The following PCDHA8 variants were observed in gnomAD, a reference collection of about 807,000 sequenced individuals.
The protein encoded by PCDHA8 is protocadherin alpha 8, also known as protocadherin alpha-8.
A neutral mutation model predicts 61.8 loss-of-function variants in PCDHA8; 53 were observed. The observed-to-expected ratio is 0.86, with a 90% confidence interval of 0.69 to 1.08. The LOEUF (loss-of-function observed/expected upper bound fraction) is 1.08, where lower values mean the gene tolerates loss of function less well. Among genes scored for constraint, PCDHA8 ranks in the 50% least tolerant of loss-of-function variants. PCDHA8 has a pLI of 0.00. For missense variants in PCDHA8, 1,293 were observed against 1,245.0 expected, an observed-to-expected ratio of 1.04 and a Z score of -0.58; for synonymous variants, 618 against 556.6, an observed-to-expected ratio of 1.11 and a Z score of -1.55.
intron 1 of PCDHA8, among the ~76,000 whole-genome samples, chr5:140,958,710 A>G (rs1446140877): frequency 1.3e-5 from 2 of 152,210 alleles, no homozygotes; most frequent in Non-Finnish European, 2.9e-5. Flanking sequence ...CAACTCTGTT[A>G]TAATAAATGT....
chr5:140,856,901 C>A, intron 1 of PCDHA8: 1 of 1,595,974 alleles, frequency 6.3e-7, no homozygotes, highest in Non-Finnish European at 8.6e-7. Flanking sequence ...CTCTTTGGTC[C>A]CACCCACGAT....
chr5:140,968,317 A>G (rs144335538), intron 1 of PCDHA8: 1 of 1,613,890 alleles, frequency 6.2e-7, no homozygotes, highest in African/African-American at 1.3e-5. Context: ...AAGGGCTGCC[A>G]GTCACCTCCT....
At chr5:140,849,996 G>A (rs2150462323) in intron 1 of PCDHA8, 4 of 1,597,014 alleles carry the variant, frequency 2.5e-6, no homozygotes, top group African/African-American at 2.7e-5. Flanking sequence ...GCGGTTGGGC[G>A]AGCGCTCGCT....
chr5:140,925,337 AT>A (rs1197479455), intron 1 of PCDHA8, among the ~76,000 whole-genome samples: 1 of 152,072 alleles, frequency 6.6e-6, no homozygotes, highest in Non-Finnish European at 1.5e-5. Flanking sequence ...TAAAAGAAGG[AT>A]TTGAGTGAGG....
chr5:140,858,334 GC>G, intron 1 of PCDHA8: 1 of 1,595,814 alleles, frequency 6.3e-7, no homozygotes, highest in Admixed American at 1.7e-5. Flanking sequence ...GGGAGGGCCT[GC>G]CCAAGGCGGA....
At chr5:140,972,316 G>T (rs2096531069) in intron 1 of PCDHA8, among the ~76,000 whole-genome samples, 2 of 139,864 alleles carry the variant, frequency 1.4e-5, no homozygotes, top group South Asian at 2.3e-4. Flanking sequence ...GTTTTTAGGT[G>T]TTTTTTTTTT....
chr5:140,978,653 G>A (rs527551897), intron 1 of PCDHA8, among the ~76,000 whole-genome samples: 25 of 152,314 alleles, frequency 1.6e-4, no homozygotes, highest in African/African-American at 5.5e-4. Flanking sequence ...TGTTCTTCCC[G>A]TAGTGTTTTA....
At chr5:140,909,966 G>C (rs1583724116) in intron 1 of PCDHA8, among the ~76,000 whole-genome samples, 1 of 152,202 alleles carries the variant, frequency 6.6e-6, no homozygotes, top group African/African-American at 2.4e-5. Flanking sequence ...TCTCCATGGG[G>C]AAGGATGGGA....
intron 1 of PCDHA8, chr5:140,866,875 A>C (rs2049624381): frequency 6.6e-6 from 1 of 152,142 alleles, no homozygotes; most frequent in Admixed American, 6.5e-5. Flanking sequence ...ACTTCTTGGT[A>C]TTAGCCTATA....
chr5:140,965,275 C>T (rs1280046381), intron 1 of PCDHA8, among the ~76,000 whole-genome samples: 7 of 152,158 alleles, frequency 4.6e-5, no homozygotes, highest in Non-Finnish European at 1.0e-4. Context: ...GGCAATGACA[C>T]AGCATGGAAA....
chr5:140,996,701 A>G (rs782320896), intron 3 of PCDHA8, among the ~76,000 whole-genome samples: 2 of 152,130 alleles, frequency 1.3e-5, no homozygotes, highest in Non-Finnish European at 2.9e-5. Flanking sequence ...CTGAACCTCT[A>G]TCTCTTTGAT....
At chr5:141,000,513 C>G (rs1258002727) in intron 3 of PCDHA8, among the ~76,000 whole-genome samples, 2 of 143,802 alleles carry the variant, frequency 1.4e-5, no homozygotes, top group African/African-American at 5.2e-5. Context: ...CTGCAACCTC[C>G]TTCTCCAGGG....
At chr5:140,948,903 CTTAGGTAACTGA>C (rs1213410342) in intron 1 of PCDHA8, among the ~76,000 whole-genome samples, 1 of 151,196 alleles carries the variant, frequency 6.6e-6, no homozygotes, top group Non-Finnish European at 1.5e-5. Context: ...TAAGTGGATT[CTTAGGTAACTGA>C]TTAGGTAACT....
At chr5:140,885,270 A>G (rs251381) in intron 1 of PCDHA8, among the ~76,000 whole-genome samples, 102,023 of 151,894 alleles carry the variant, frequency 0.67, 34,437 homozygotes, top group Middle Eastern at 0.71. Flanking sequence ...ACTCATACAT[A>G]TATATATACA....
intron 3 of PCDHA8, among the ~76,000 whole-genome samples, chr5:141,007,371 TG>T (rs2098319446): frequency 7.8e-6 from 1 of 128,740 alleles, no homozygotes. Context: ...GGCAACATGA[TG>T]GAACACCATC....
intron 1 of PCDHA8, chr5:140,849,630 G>A: frequency 1.9e-6 from 3 of 1,598,686 alleles, no homozygotes; most frequent in Non-Finnish European, 2.6e-6. Flanking sequence ...CGACCTAGAC[G>A]CAGATGCCAA....
intron 1 of PCDHA8, among the ~76,000 whole-genome samples, chr5:140,911,873 A>G (rs980533422): frequency 7.2e-5 from 11 of 152,038 alleles, no homozygotes; most frequent in African/African-American, 2.7e-4. Flanking sequence ...TTCTGGAACC[A>G]CTCCTGGGAC....
chr5:140,993,526 A>G (rs1554253825), intron 3 of PCDHA8, among the ~76,000 whole-genome samples: 1 of 147,824 alleles, frequency 6.8e-6, no homozygotes, highest in Admixed American at 6.7e-5. Flanking sequence ...AGAGAGACAG[A>G]GAGAGAGAGA....
intron 1 of PCDHA8, chr5:140,884,750 A>T (rs1032518651): frequency 8.1e-5 from 116 of 1,431,120 alleles, no homozygotes; most frequent in Non-Finnish European, 1.2e-5. Context: ...TGCCAATTTC[A>T]AATTATTCTT....
Sources: allele counts gnomAD v4.1 joint callset (sites outside exome capture counted in the v4.1 genomes callset), GRCh38; gene constraint gnomAD v4.1.1; transcripts MANE v1.5; gene names NCBI Gene and HGNC (gene_info 2026-07-23, HGNC 2026-07-21).